MYO18B: variants seen among roughly 807,000 people sequenced by gnomAD.
MYO18B encodes the protein unconventional myosin-XVIIIb.
A neutral mutation model predicts 273.0 loss-of-function variants in MYO18B; 204 were observed. That is an observed-to-expected ratio of 0.75 (90% CI 0.67 to 0.84). MYO18B has a LOEUF of 0.84. Among genes scored for constraint, MYO18B ranks in the 40% least tolerant of loss-of-function variants. The pLI is 0.00. For synonymous variants in MYO18B, 1,330 were observed against 1,305.7 expected (o/e 1.02, Z -0.40); for missense variants, 3,212 against 3,287.6 (o/e 0.98, Z 0.56).
At chr22:26,019,660 C>T (rs2031540774) in intron 42 of MYO18B, among the ~76,000 whole-genome samples, 1 of 152,136 alleles carries the variant, frequency 6.6e-6, no homozygotes, top group South Asian at 2.1e-4. Flanking sequence ...ATCTGGTTTC[C>T]CATCTCAGGC....
the MYO18B span, among the ~76,000 whole-genome samples, chr22:26,057,213 T>TA: frequency 1.3e-4 from 20 of 150,886 alleles, no homozygotes; most frequent in African/African-American, 4.1e-4. Flanking sequence ...TCTGATCATC[T>TA]AAAAAAAAAG....
intron 2 of MYO18B, 183 bp from the exon 3 acceptor site, chr22:25,763,048 C>T: frequency 1.3e-6 from 1 of 773,664 alleles, no homozygotes; most frequent in Non-Finnish European, 2.4e-6. Context: ...TTTTCATGCG[C>T]TGTCTCAGGG....
chr22:25,859,990 T>C (rs1255822731), intron 21 of MYO18B, among the ~76,000 whole-genome samples: 1 of 152,230 alleles, frequency 6.6e-6, no homozygotes, highest in African/African-American at 2.4e-5. Flanking sequence ...ACATTTGATC[T>C]ATTGTGTGTT....
intron 23 of MYO18B, among the ~76,000 whole-genome samples, chr22:25,875,127 A>G (rs530839104): frequency 6.6e-6 from 1 of 152,360 alleles, no homozygotes; most frequent in Admixed American, 6.5e-5. Context: ...GAGACCGTGA[A>G]TAATGAACAT....
At chr22:25,749,675 G>A (rs577823920) in intron 1 of MYO18B, among the ~76,000 whole-genome samples, 28 of 152,192 alleles carry the variant, frequency 1.8e-4, no homozygotes, top group African/African-American at 5.3e-4. Context: ...GGCATGCCAC[G>A]TGGATGTCAG....
chr22:25,896,515 T>C (rs913990088), intron 28 of MYO18B: 1 of 152,232 alleles, frequency 6.6e-6, no homozygotes, highest in African/African-American at 2.4e-5. Flanking sequence ...TATGTACCAT[T>C]ACTGTTAGGG....
Position 25,868,359 on chromosome 22 carries a change from A to T in MYO18B, c.3925A>T (p.Lys1309Ter). The change falls in exon 22 of 44, where the codon AAG becomes TAG. Residue 1309 changes from lysine (K) to a stop codon, truncating the protein, a stop_gained. Transcript: ENST00000335473. LOFTEE classifies it high-confidence loss of function. Reference sequence around the variant, plus strand: ...CCTGGAGACCCTGGATCTGGAAAAGAAGGCGGTGGCTGTGGGGCACAGCCA... The same window carrying T: ...CCTGGAGACCCTGGATCTGGAAAAGTAGGCGGTGGCTGTGGGGCACAGCCA... Reference protein sequence around the residue: ...ELLETLDLEKKAVAVGHSQVF... With the variant: ...ELLETLDLEK 1 of 1,603,148 alleles carries T rather than the reference A, an allele frequency of 6.2e-7. No homozygotes were observed. Among genetic ancestry groups the T allele is most frequent in the Non-Finnish European group, 8.5e-7 (1 of 1,174,896 alleles).
the MYO18B span, among the ~76,000 whole-genome samples, chr22:26,036,714 C>A: frequency 6.6e-6 from 1 of 152,112 alleles, no homozygotes; most frequent in Non-Finnish European, 1.5e-5. Flanking sequence ...TACCAAAAGC[C>A]CTTGGTCTTC....
At chr22:26,029,184 G>T (rs2147035730) in intron 43 of MYO18B, among the ~76,000 whole-genome samples, 1 of 152,296 alleles carries the variant, frequency 6.6e-6, no homozygotes, top group East Asian at 1.9e-4. Context: ...TAGCGTATGA[G>T]CCTTCGTAAA....
intron 1 of MYO18B, among the ~76,000 whole-genome samples, chr22:25,753,733 C>T (rs544401571): frequency 3.4e-4 from 52 of 152,266 alleles, no homozygotes; most frequent in African/African-American, 1.2e-3. Flanking sequence ...TAACATTCAC[C>T]GCGAAGGCCT....
At chr22:25,811,314 C>T (rs998116962) in intron 12 of MYO18B, among the ~76,000 whole-genome samples, 1 of 152,056 alleles carries the variant, frequency 6.6e-6, no homozygotes, top group African/African-American at 2.4e-5. Flanking sequence ...TGAGCCACCG[C>T]GCCAGGCTTT....
chr22:26,059,037 C>A, the MYO18B span, among the ~76,000 whole-genome samples: 2 of 151,988 alleles, frequency 1.3e-5, no homozygotes, highest in East Asian at 3.9e-4. Context: ...AATAAGTGAC[C>A]ATGATAAAAG....
intron 25 of MYO18B, among the ~76,000 whole-genome samples, chr22:25,889,852 A>G (rs961697952): frequency 6.6e-6 from 1 of 152,174 alleles, no homozygotes; most frequent in African/African-American, 2.4e-5. Context: ...TTACATGTGT[A>G]ATTTAAATCA....
At chr22:25,772,555 G>T in intron 7 of MYO18B, 45 bp downstream of exon 7, 1 of 1,554,888 alleles carries the variant, frequency 6.4e-7, no homozygotes, top group South Asian at 1.2e-5. Context: ...CTGAGGGCAG[G>T]GGGGCCTGGG....
At chr22:25,859,138 A>C (rs1207395940) in intron 21 of MYO18B, among the ~76,000 whole-genome samples, 3 of 152,174 alleles carry the variant, frequency 2.0e-5, no homozygotes, top group Non-Finnish European at 4.4e-5. Flanking sequence ...TAATTTTACT[A>C]TTTCTATGGA....
chr22:25,868,082 T>C (rs1158959032), intron 21 of MYO18B, among the ~76,000 whole-genome samples: 1 of 152,178 alleles, frequency 6.6e-6, no homozygotes, highest in Non-Finnish European at 1.5e-5. Context: ...GGTTTTCTGC[T>C]CTGTAAAATA....
intron 15 of MYO18B, among the ~76,000 whole-genome samples, chr22:25,830,551 G>T (rs1185985672): frequency 1.3e-5 from 2 of 152,194 alleles, no homozygotes; most frequent in Non-Finnish European, 2.9e-5. Context: ...GATCTAGGCA[G>T]GCCTTGTCTG....
chr22:26,044,908 T>C, the MYO18B span, among the ~76,000 whole-genome samples: 1 of 152,138 alleles, frequency 6.6e-6, no homozygotes, highest in Admixed American at 6.5e-5. Flanking sequence ...ATACCTATTG[T>C]TGAGATGGTT....
At position 25,785,460 on chromosome 22, in the gene MYO18B, G is replaced by T; in HGVS notation, c.2345G>T (p.Ser782Ile). 6.2e-7 allele frequency: 1 copy of T among 1,612,216 alleles called. No homozygotes were observed. Residue 782 changes from serine to isoleucine, a missense_variant, in exon 11 of 44, where the codon AGC becomes ATC. By Grantham distance (142) the Ser-to-Ile change is moderately radical (BLOSUM62 -2). Coordinates refer to ENST00000335473, the MANE Select transcript of MYO18B (RefSeq NM_032608.7). The stretch of plus-strand genomic sequence containing the variant: ...CTGAACCTGCACCAGATGGCAGATA[G>T]CAGCTCCTTTGGCATGGGCGTGTGG... ...TELNLHQMAD[S>I]SSFGMGVWSK... is the part of the protein sequence containing the mutation.
Sources: allele counts gnomAD v4.1 joint callset (sites outside exome capture counted in the v4.1 genomes callset), GRCh38; gene constraint gnomAD v4.1.1; transcripts MANE v1.5; gene names NCBI Gene and HGNC (gene_info 2026-07-23, HGNC 2026-07-21).